The following DDC variants were observed in gnomAD, a reference collection of about 807,000 sequenced individuals.
DDC encodes the protein aromatic-L-amino-acid decarboxylase.
Under a neutral mutation model 60.0 loss-of-function variants are expected in DDC, and 43 were observed. The observed-to-expected ratio is 0.72, with a 90% CI of 0.56 to 0.92. The LOEUF (loss-of-function observed/expected upper bound fraction) is 0.92, where lower values mean the gene tolerates loss of function less well. Ranked by LOEUF, DDC falls within the 40% of genes least tolerant of loss-of-function variation. The pLI is 0.00. For missense variants in DDC, 573 were observed against 620.2 expected (o/e 0.92, Z 0.81); for synonymous variants, 232 against 234.6 (o/e 0.99, Z 0.10).
Position 50,509,248 on chromosome 7 carries a change from G to T in DDC, c.715-5189C>A, listed in dbSNP as rs186827902. Among the ~76,000 whole-genome samples the T allele has an allele frequency of 4.1e-4, 63 of 152,188 alleles. No individual in the cohort carries two copies. In the East Asian group the frequency reaches 0.01, roughly 25 times the overall value. ...CTCTCTGATCCGATACCTACAATTG[G>T]CCCACATCTGTGGCTTCTATCAGCA... On this transcript the variant is annotated intron_variant, in intron 6 of 14. Coordinates refer to ENST00000444124, the MANE Select transcript of DDC (RefSeq NM_001082971.2).
chr7:50,532,587 T>A (rs2044252280), intron 4 of DDC, among the ~76,000 whole-genome samples: 2 of 152,316 alleles, frequency 1.3e-5, no homozygotes, highest in South Asian at 4.1e-4. Context: ...ATGAAAAAGA[T>A]TGTCCATAAT....
At position 50,473,147 on chromosome 7, in the gene DDC, G is replaced by A. The variant is rs1027892979; in HGVS notation, c.1042-2976C>T. On this transcript the variant is annotated intron_variant, in intron 11 of 14. Transcript: ENST00000444124. ...AAAATAGCAGCAAAGAGAAGATGCCGGGAAATACGGCCAGGGACATCCCTG... is the reference window on the plus strand; with the variant it reads ...AAAATAGCAGCAAAGAGAAGATGCCAGGAAATACGGCCAGGGACATCCCTG... 5.3e-5 allele frequency among the ~76,000 whole-genome samples: 8 copies of A among 152,174 alleles called. No homozygotes were observed. The East Asian group carries it at 5.8e-4, about 11-fold the overall frequency.
intron 9 of DDC, among the ~76,000 whole-genome samples, chr7:50,489,222 G>C (rs1234587791): frequency 1.3e-5 from 2 of 152,090 alleles, no homozygotes; most frequent in African/African-American, 2.4e-5. Flanking sequence ...GGCCAGGCTG[G>C]TCTCGAAGTC....
At chr7:50,499,673 C>T (rs1323789212) in intron 7 of DDC, among the ~76,000 whole-genome samples, 6 of 152,182 alleles carry the variant, frequency 3.9e-5, no homozygotes, top group South Asian at 2.1e-4. Flanking sequence ...ACACAGTCCA[C>T]GCTGACCTCT....
intron 11 of DDC, among the ~76,000 whole-genome samples, chr7:50,471,024 CG>C (rs2042518584): frequency 6.6e-6 from 1 of 152,198 alleles, no homozygotes; most frequent in South Asian, 2.1e-4. Context: ...GGCCATCTGC[CG>C]GGTGGGACTG....
intron 14 of DDC, chr7:50,459,539 T>C (rs1305206829): frequency 4.7e-5 from 8 of 171,680 alleles, no homozygotes; most frequent in African/African-American, 2.1e-4. Flanking sequence ...CGCCATCCCA[T>C]CTAGGAAGTG....
chr7:50,459,475 C>T lies in DDC; in HGVS notation c.*19-632G>A, dbSNP rs1262405461. On this transcript the variant is annotated intron_variant, in intron 14 of 14. Coordinates refer to ENST00000444124, the MANE Select transcript of DDC (RefSeq NM_001082971.2). ...GCTACCCAGTCTGGAAAGTGAGGAG[C>T]GTCTCTGCCCGGCCGCCATCCTATC... is the stretch of plus-strand genomic sequence containing the variant. Among the ~76,000 whole-genome samples the T allele has an allele frequency of 6.6e-5, 10 of 151,038 alleles. No homozygotes were observed. In the East Asian group the frequency reaches 9.8e-4, roughly 15 times the overall value.
At chr7:50,553,486 T>TC (rs2045079628) in intron 1 of DDC, among the ~76,000 whole-genome samples, 1 of 40,568 alleles carries the variant, frequency 2.5e-5, no homozygotes, top group Admixed American at 3.9e-4. Flanking sequence ...TTTCTTTTCT[T>TC]TTTTTTTTTT....
chr7:50,520,456 T>TACTTCA (rs55865701), intron 6 of DDC, among the ~76,000 whole-genome samples: 139,411 of 151,842 alleles, frequency 0.92, 64,376 homozygotes, highest in Non-Finnish European at 0.98. Flanking sequence ...AATTTAAAAG[T>TACTTCA]ACTTCAATGA....
At chr7:50,497,938 C>T (rs928664583) in intron 8 of DDC, among the ~76,000 whole-genome samples, 2 of 152,172 alleles carry the variant, frequency 1.3e-5, no homozygotes, top group Admixed American at 1.3e-4. Flanking sequence ...TCTGGTATTA[C>T]AGCATTATGA....
rs145699798 is a variant in DDC, at chr7:50,499,366, T to C, written c.782-124A>G. 4.6e-5 allele frequency: 33 copies of C among 717,586 alleles called. 1 individual carries two copies. In the East Asian group the frequency reaches 8.9e-4, roughly 19 times the overall value. 44.5% of individuals were successfully genotyped at this position (717,586 alleles called of 1,614,324 possible). A position where few individuals can be genotyped will look rare whatever the true frequency, so the allele number is the denominator to read the frequency against. ...ATGCCAACAGTATTTGCTGAACTAATGGCTGAATCCCCAAAAGGCCCCCTC... is the reference window on the plus strand; with the variant it reads ...ATGCCAACAGTATTTGCTGAACTAACGGCTGAATCCCCAAAAGGCCCCCTC... On this transcript the variant is annotated intron_variant, in intron 7 of 14. Coordinates refer to ENST00000444124, the MANE Select transcript of DDC (RefSeq NM_001082971.2).
rs2042330634 is a variant in DDC at position 50,463,487 on chromosome 7, ACTGGT to A, written c.1243-61_1243-57del. ...CAGGTCTCTGAGGACTCAAAAATCA[ACTGGT>A]CATGTAGGAAAGACAGTGCTTGGCA... On this transcript the variant is annotated intron_variant, in intron 13 of 14. Coordinates refer to ENST00000444124, the MANE Select transcript of DDC (RefSeq NM_001082971.2). 4 of 1,477,496 alleles carry A rather than the reference ACTGGT, an allele frequency of 2.7e-6. No homozygotes were observed. In the Admixed American group the frequency reaches 6.7e-5, roughly 25 times the overall value. 91.5% of individuals were successfully genotyped at this position (1,477,496 alleles called of 1,614,324 possible).
intron 6 of DDC, among the ~76,000 whole-genome samples, chr7:50,506,407 G>T (rs932435318): frequency 8.5e-5 from 13 of 152,180 alleles, no homozygotes; most frequent in South Asian, 2.1e-4. Flanking sequence ...TAATGTAAAT[G>T]ACGAGTTAAT....
chr7:50,542,161 T>C (rs1290670123), intron 2 of DDC: 3 of 152,146 alleles, frequency 2.0e-5, no homozygotes, highest in Admixed American at 2.0e-4. Flanking sequence ...ACAGTGAACT[T>C]TCAGGTTAAA....
At chr7:50,511,003 A>C (rs1466235336) in intron 6 of DDC, among the ~76,000 whole-genome samples, 5 of 132,734 alleles carry the variant, frequency 3.8e-5, no homozygotes, top group African/African-American at 8.3e-5. Flanking sequence ...AAAAAAAAAA[A>C]CTCAACTGTT....
At chr7:50,556,096 G>A (rs904512392) in intron 1 of DDC, among the ~76,000 whole-genome samples, 10 of 152,210 alleles carry the variant, frequency 6.6e-5, no homozygotes, top group South Asian at 2.1e-4. Context: ...GATCATGTTC[G>A]TTACAAATGG....
intron 6 of DDC, among the ~76,000 whole-genome samples, chr7:50,507,300 C>A (rs1269172633): frequency 1.3e-5 from 2 of 151,820 alleles, no homozygotes; most frequent in Admixed American, 6.6e-5. Flanking sequence ...TGCAGTGGTG[C>A]GATCTCAGCT....
At chr7:50,465,133 C>G (rs1191790907) in intron 13 of DDC, among the ~76,000 whole-genome samples, 1 of 152,140 alleles carries the variant, frequency 6.6e-6, no homozygotes, top group African/African-American at 2.4e-5. Flanking sequence ...AAAGCCATAA[C>G]CTTGACGACA....
At chr7:50,492,797 T>C (rs2153538457) in intron 9 of DDC, 2 of 1,472,372 alleles carry the variant, frequency 1.4e-6, no homozygotes, top group East Asian at 2.5e-5. Context: ...GTGGCTGAAC[T>C]GAACCCCGAG....
Sources: gnomAD v4.1 joint callset for allele counts (sites outside exome capture counted in the v4.1 genomes callset) on GRCh38, gnomAD v4.1.1 for gene constraint, MANE v1.5 for transcripts, NCBI Gene and HGNC (gene_info 2026-07-23, HGNC 2026-07-21) for gene names.